Variants in BAHCC1 observed in about 807,000 individuals in gnomAD.
BAHCC1 encodes BAH and coiled-coil domain-containing protein 1.
In BAHCC1, 43 loss-of-function variants were observed where a neutral mutation model predicts 88.2. The ratio of observed to expected loss-of-function variants is 0.49; its 90% CI spans 0.38 to 0.63. BAHCC1 has a LOEUF of 0.63. BAHCC1 is among the 20% of genes least tolerant of loss of function. BAHCC1 has a pLI of 0.00. For missense variants in BAHCC1, 3,023 were observed against 1,654.8 expected (o/e 1.83, Z -14.34); for synonymous variants, 1,510 against 745.5 (o/e 2.03, Z -16.71).
intron 2 of BAHCC1, among the ~76,000 whole-genome samples, chr17:81,412,737 C>G (rs1179801342): frequency 6.6e-6 from 1 of 152,246 alleles, no homozygotes; most frequent in African/African-American, 2.4e-5. Flanking sequence ...AGCTGGGGCT[C>G]TCTCCCACAT....
intron 23 of BAHCC1, 69 bp downstream of exon 23, chr17:81,459,673 A>G (rs2143649511): frequency 5.2e-6 from 4 of 768,936 alleles, no homozygotes; most frequent in East Asian, 2.4e-5. Context: ...TCTGCCCCCA[A>G]CAGCCTGGCT....
chr17:81,451,919 C>T, intron 12 of BAHCC1, 49 bp downstream of exon 12: 1 of 655,006 alleles, frequency 1.5e-6, no homozygotes, highest in Non-Finnish European at 2.8e-6. Context: ...TGCCACAGAG[C>T]CCCAGCCTGG....
Position 81,447,716 on chromosome 17 carries a change from C to G in BAHCC1, c.3844C>G (p.Gln1282Glu). Residue 1282 changes from glutamine to glutamate, a missense_variant, in exon 11 of 28, where the codon CAG (glutamine) becomes GAG (glutamate). Transcript: ENST00000675386. The part of the protein sequence containing the change: ...DLPSDSPPDP[Q>E]PPAASGPPST... Reference sequence around the variant, plus strand: ...GCCCAGCGACAGCCCACCGGACCCTCAGCCCCCAGCGGCCTCTGGGCCCCC... The same window carrying G: ...GCCCAGCGACAGCCCACCGGACCCTGAGCCCCCAGCGGCCTCTGGGCCCCC... 1.4e-6 allele frequency: 1 copy of G among 733,816 alleles called. No homozygotes were observed. Among genetic ancestry groups the G allele is most frequent in the Non-Finnish European group, 2.5e-6 (1 of 394,978 alleles). 45.5% of individuals were successfully genotyped at this position (733,816 alleles called of 1,614,324 possible).
chr17:81,409,703 C>G (rs1347421179), intron 2 of BAHCC1, among the ~76,000 whole-genome samples: 7 of 152,170 alleles, frequency 4.6e-5, no homozygotes, highest in African/African-American at 1.7e-4. Flanking sequence ...AGAGGGAAAT[C>G]GGGCCCAGGG....
rs1006772811 is a variant in BAHCC1 at position 81,442,230 on chromosome 17, T to C, written c.881T>C (p.Met294Thr). 1 of 636,332 alleles carries C rather than the reference T, an allele frequency of 1.6e-6. No homozygotes were observed. The highest frequency in any genetic ancestry group is 2.8e-6 in the Non-Finnish European group (1 of 353,214). 39.4% of individuals were successfully genotyped at this position (636,332 alleles called of 1,614,324 possible). ...AACACCAAGGTGCTCAACGGCGAGA[T>C]GGGCAGGGCTGCGCTAGCCAGCTGT... The part of the protein sequence containing the change: ...LLNTKVLNGE[M>T]GRAALASCAG... Residue 294 changes from methionine (M) to threonine (T), a missense_variant, in exon 5 of 28, where the codon ATG becomes ACG. By Grantham distance (81) the Met-to-Thr change is moderately conservative (BLOSUM62 -1). Coordinates refer to ENST00000675386, the MANE Select transcript of BAHCC1 (RefSeq NM_001377448.1).
In BAHCC1 at chr17:81,406,453, G is replaced by A. The variant is rs28742898; in HGVS notation, c.178+6536G>A. ...CTCTGGGACCTCATTTCCCCTCACCGAAGACACAGTGTAACAAGCAAAAAA... is the reference window on the plus strand; with the variant it reads ...CTCTGGGACCTCATTTCCCCTCACCAAAGACACAGTGTAACAAGCAAAAAA... On this transcript the variant is annotated intron_variant, in intron 2 of 27. Transcript: ENST00000675386. Among the ~76,000 whole-genome samples, 213 of 152,220 alleles carry A rather than the reference G, an allele frequency of 1.4e-3. 2 individuals carry two copies. The highest frequency in any genetic ancestry group is 4.9e-3 in the African/African-American group (205 of 41,530).
chr17:81,458,044 G>A, intron 17 of BAHCC1, 121 bp from the exon 18 acceptor site: 1 of 638,352 alleles, frequency 1.6e-6, no homozygotes, highest in Admixed American at 2.4e-5. Flanking sequence ...AGAGGTTGCT[G>A]GGTAACCCGG....
At chr17:81,423,622 G>A (rs1234137642) in intron 2 of BAHCC1, among the ~76,000 whole-genome samples, 1 of 152,212 alleles carries the variant, frequency 6.6e-6, no homozygotes, top group African/African-American at 2.4e-5. Context: ...GGATGGAGAC[G>A]ACAAGGTGCC....
At chr17:81,414,684 G>A (rs548852400) in intron 2 of BAHCC1, among the ~76,000 whole-genome samples, 1 of 152,192 alleles carries the variant, frequency 6.6e-6, no homozygotes, top group Non-Finnish European at 1.5e-5. Context: ...GCTGGCCGTC[G>A]GGAGGGCCTG....
chr17:81,437,074 G>T (rs541883433), intron 3 of BAHCC1, among the ~76,000 whole-genome samples: 1 of 152,214 alleles, frequency 6.6e-6, no homozygotes, highest in East Asian at 1.9e-4. Flanking sequence ...CTGGGATTGC[G>T]GTGTGGGGTG....
chr17:81,441,473 T>C (rs1259341830), intron 4 of BAHCC1, among the ~76,000 whole-genome samples: 6 of 152,016 alleles, frequency 3.9e-5, no homozygotes, highest in East Asian at 3.9e-4. Context: ...CCATCCTGGC[T>C]AACATGGTGA....
intron 1 of BAHCC1, chr17:81,396,755 G>C (rs2063750319): frequency 6.6e-6 from 1 of 152,222 alleles, no homozygotes; most frequent in African/African-American, 2.4e-5. Flanking sequence ...AAGAGGGACC[G>C]GCGGCTCCAG....
chr17:81,413,498 C>T (rs1360470732), intron 2 of BAHCC1, among the ~76,000 whole-genome samples: 1 of 152,192 alleles, frequency 6.6e-6, no homozygotes, highest in Non-Finnish European at 1.5e-5. Context: ...CCCTCCGCAG[C>T]AGCGGGCCCC....
At position 81,442,546 on chromosome 17, in the gene BAHCC1, A is replaced by T; in HGVS notation, c.1197A>T (p.Gly399=). The T allele has an allele frequency of 1.3e-6, 1 of 741,166 alleles. No individual in the cohort carries two copies. 45.9% of individuals were successfully genotyped at this position (741,166 alleles called of 1,614,324 possible). A position where few individuals can be genotyped will look rare whatever the true frequency, so the allele number is the denominator to read the frequency against. ...ASGPTFVPSV[G]HLADKGRPFQ... ...GGCCCACCTTCGTGCCTTCTGTGGG[A>T]CACCTGGCCGACAAGGGCCGCCCCT... Residue 399 remains glycine, a synonymous_variant, in exon 5 of 28, where the codon GGA becomes GGT. Coordinates refer to ENST00000675386, the MANE Select transcript of BAHCC1 (RefSeq NM_001377448.1).
intron 2 of BAHCC1, among the ~76,000 whole-genome samples, chr17:81,400,461 A>C (rs1555645878): frequency 6.6e-6 from 1 of 152,090 alleles, no homozygotes; most frequent in African/African-American, 2.4e-5. Flanking sequence ...TCAGGGCGAG[A>C]ATGGGTTTGC....
In BAHCC1 at chr17:81,461,454, C is replaced by T. The variant is rs371513860; in HGVS notation, c.6791C>T (p.Pro2264Leu). 7 of 740,748 alleles carry T rather than the reference C, an allele frequency of 9.4e-6. No homozygotes were observed. The highest frequency in any genetic ancestry group is 2.8e-5 in the South Asian group (2 of 70,258). 45.9% of individuals were successfully genotyped at this position (740,748 alleles called of 1,614,324 possible). A position where few individuals can be genotyped will look rare whatever the true frequency, so the allele number is the denominator to read the frequency against. Residue 2264 changes from proline to leucine, a missense_variant, in exon 26 of 28, where the codon CCG (proline) becomes CTG (leucine). Coordinates refer to ENST00000675386, the MANE Select transcript of BAHCC1 (RefSeq NM_001377448.1). ...AAGAAGGGGCGGGCACCCATCCCCC[C>T]GCTGCCCATGGGGCTGGCGCTGCGC... ...KDKKGRAPIP[P>L]LPMGLALRKY...
At position 81,398,249 on chromosome 17, in the gene BAHCC1, G is replaced by A. The variant is rs141374004; in HGVS notation, c.-206-1285G>A. Among the ~76,000 whole-genome samples the A allele has an allele frequency of 4.7e-4, 71 of 152,354 alleles. 2 individuals carry two copies. Among genetic ancestry groups the A allele is most frequent in the African/African-American group, 1.6e-3 (67 of 41,586 alleles). ...CTTCGGAGGGACGCCTGGGAGCACG[G>A]TGGTGCACGCAGCTTCTATCACTGG... On this transcript the variant is annotated intron_variant, in intron 1 of 27. Transcript: ENST00000675386.
At chr17:81,413,213 TG>T in intron 2 of BAHCC1, 18 of 307,782 alleles carry the variant, frequency 5.8e-5, no homozygotes, top group South Asian at 4.2e-4. Context: ...GTGCTGACCA[TG>T]CCCCCCCCGG....
In BAHCC1 at chr17:81,399,401, C is replaced by G. The variant is rs1451677751; in HGVS notation, c.-206-133C>G. 1 of 143,284 alleles carries G rather than the reference C, an allele frequency of 7.0e-6. No individual in the cohort carries two copies. Among genetic ancestry groups the G allele is most frequent in the Non-Finnish European group, 1.5e-5 (1 of 65,228 alleles). The allele number at this position is 143,284 out of a possible 1,614,324, so 8.9% of individuals were successfully genotyped here. Reference sequence around the variant, plus strand: ...GACACCGAGCGCCCCGGCCCCGCCACCCGGCCTGGCCGCCGCTCGCTCGGG... The same window carrying G: ...GACACCGAGCGCCCCGGCCCCGCCAGCCGGCCTGGCCGCCGCTCGCTCGGG... On this transcript the variant is annotated intron_variant, in intron 1 of 27. Coordinates refer to ENST00000675386, the MANE Select transcript of BAHCC1 (RefSeq NM_001377448.1). The surrounding 1 kb of genome is among the most constrained non-coding windows in gnomAD (Gnocchi z 4.5).
Sources: gnomAD v4.1 joint callset for allele counts (sites outside exome capture counted in the v4.1 genomes callset) on GRCh38, gnomAD v4.1.1 for gene constraint, Gnocchi (gnomAD v3.1) non-coding constraint, MANE v1.5 for transcripts, NCBI Gene and HGNC (gene_info 2026-07-23, HGNC 2026-07-21) for gene names.